The following SEMA3F variants were observed in gnomAD, a reference collection of about 807,000 sequenced individuals.
SEMA3F encodes the protein semaphorin-3F.
In SEMA3F, 30 loss-of-function variants were observed where a neutral mutation model predicts 98.5. That is an observed-to-expected ratio of 0.30 (90% CI 0.23 to 0.41). The LOEUF is 0.41. SEMA3F is among the 10% of genes least tolerant of loss of function. The probability of loss-of-function intolerance (pLI) is 1.00; values close to 1 mark genes in which losing one functional copy is unlikely to be tolerated. For synonymous variants in SEMA3F, 380 were observed against 444.8 expected, an observed-to-expected ratio of 0.85 and a Z score of 1.83; for missense variants, 866 against 1,119.3, an observed-to-expected ratio of 0.77 and a Z score of 3.23.
In SEMA3F at chr3:50,184,697, C is replaced by T. The variant is rs1198334944; in HGVS notation, c.1339C>T (p.Pro447Ser). Reference sequence around the variant, plus strand: ...CCCACTCATGTACCAGGCCGTGTACCCTCTGCAGCGGCGGCCCCTGGTAGT... The same window carrying T: ...CCCACTCATGTACCAGGCCGTGTACTCTCTGCAGCGGCGGCCCCTGGTAGT... The part of the protein sequence containing the change: ...SHPLMYQAVY[P>S]LQRRPLVVRT... The change falls in exon 13 of 19, where the codon CCT becomes TCT. Residue 447 changes from proline (P) to serine (S), a missense_variant. Around this residue, in one of 3 missense-constraint regions of SEMA3F, gnomAD observed 374 missense variants for 582.8 expected, o/e 0.64. Transcript: ENST00000002829. The T allele has an allele frequency of 6.2e-7, 1 of 1,614,138 alleles. No homozygotes were observed. The highest frequency in any genetic ancestry group is 1.7e-5 in the Admixed American group (1 of 60,022).
chr3:50,186,149 C>T, intron 16 of SEMA3F, 103 bp downstream of exon 16: 1 of 1,470,110 alleles, frequency 6.8e-7, no homozygotes, highest in African/African-American at 1.4e-5. Context: ...TGTGATATTA[C>T]CCTAGGGGAG....
intron 1 of SEMA3F, among the ~76,000 whole-genome samples, chr3:50,157,076 C>CG (rs2109047215): frequency 6.6e-6 from 1 of 152,176 alleles, no homozygotes; most frequent in East Asian, 1.9e-4. Flanking sequence ...TGTTCCCCTA[C>CG]GGCCCCTGTT....
At position 50,187,820 on chromosome 3, in the gene SEMA3F, T is replaced by C. The variant is rs771629001; in HGVS notation, c.2063T>C (p.Val688Ala). 1.9e-6 allele frequency: 3 copies of C among 1,613,394 alleles called. No individual in the cohort carries two copies. The highest frequency in any genetic ancestry group is 1.7e-5 in the Admixed American group (1 of 60,008). The change falls in exon 19 of 19, where the codon GTC (valine) becomes GCC (alanine). Residue 688 changes from valine (V) to alanine (A), a missense_variant. Val to Ala is a moderately conservative substitution (Grantham distance 64, BLOSUM62 0). Coordinates refer to ENST00000002829, the MANE Select transcript of SEMA3F (RefSeq NM_004186.5). ...GCCACTGAGAACAACTTTAAGCACG[T>C]CGTCACACGAGTGCAGCTGCATGTA... ...CTATENNFKH[V>A]VTRVQLHVLG...
At chr3:50,159,096 C>G (rs1698105404) in intron 1 of SEMA3F, 1 of 153,360 alleles carries the variant, frequency 6.5e-6, no homozygotes, top group African/African-American at 2.4e-5. Context: ...TGCCTCCCCT[C>G]TACCGTAATA....
At chr3:50,177,001 A>C in intron 7 of SEMA3F, 140 bp downstream of exon 7, 1 of 699,610 alleles carries the variant, frequency 1.4e-6, no homozygotes, top group South Asian at 1.7e-5. Flanking sequence ...CCACCTGGCA[A>C]GGGGGAGAGG....
At chr3:50,170,513 A>G (rs1246995764) in intron 2 of SEMA3F, among the ~76,000 whole-genome samples, 3 of 152,076 alleles carry the variant, frequency 2.0e-5, no homozygotes, top group Non-Finnish European at 2.9e-5. Flanking sequence ...CTTTCCCTGA[A>G]AGGCAGAGAC....
chr3:50,185,635 G>T, intron 14 of SEMA3F, 31 bp from the exon 15 acceptor site: 1 of 1,613,986 alleles, frequency 6.2e-7, no homozygotes. Context: ...GGGGTCCCTG[G>T]CATCCCAAGC....
At position 50,185,499 on chromosome 3, in the gene SEMA3F, G is replaced by A. The variant is rs1379281866; in HGVS notation, c.1513G>A (p.Glu505Lys). ...VLPKDDQELE[E>K]LMLEEVEVFK... ...GCCCAAGGATGACCAGGAGTTGGAG[G>A]AGCTCATGCTGGAGGAGGTGGAGGT... The change falls in exon 14 of 19, where the codon GAG (glutamate) becomes AAG (lysine). Residue 505 changes from glutamate (E) to lysine (K), a missense_variant. Transcript: ENST00000002829. The A allele has an allele frequency of 1.9e-6, 3 of 1,613,836 alleles. No homozygotes were observed. In the African/African-American group the frequency reaches 4.0e-5, roughly 22 times the overall value.
At chr3:50,175,917 G>A (rs1023837004) in intron 6 of SEMA3F, among the ~76,000 whole-genome samples, 4 of 152,130 alleles carry the variant, frequency 2.6e-5, no homozygotes, top group Non-Finnish European at 5.9e-5. Context: ...GTGTGTAGCT[G>A]GAAGTAGGCC....
At chr3:50,173,679 C>T (rs1042859366) in intron 2 of SEMA3F, 114 bp from the exon 3 acceptor site, 2 of 805,044 alleles carry the variant, frequency 2.5e-6, no homozygotes, top group African/African-American at 1.7e-5. Context: ...AAAGACCACT[C>T]TGTGGTGGGG....
chr3:50,164,467 TC>T (rs1191251177), intron 2 of SEMA3F, among the ~76,000 whole-genome samples: 1 of 152,190 alleles, frequency 6.6e-6, no homozygotes, highest in Non-Finnish European at 1.5e-5. Flanking sequence ...TGTATGCACC[TC>T]CGGCCCCTTG....
Position 50,155,402 on chromosome 3 carries a change from G to C in SEMA3F, c.-211G>C, listed in dbSNP as rs1224812629. On this transcript the variant is annotated 5_prime_UTR_variant, in exon 1 of 19. Transcript: ENST00000002829. This position sits in a 1 kb window ranked among gnomAD's most constrained non-coding sequence, Gnocchi z 4.9. Reference sequence around the variant, plus strand: ...TGACGCGCCCGAAGCCCGCGGAACCGGTTAAGCCGCGGCCGCGGCGCCGAT... The same window carrying C: ...TGACGCGCCCGAAGCCCGCGGAACCCGTTAAGCCGCGGCCGCGGCGCCGAT... The C allele has an allele frequency of 1.1e-5, 3 of 279,316 alleles. No homozygotes were observed. The highest frequency in any genetic ancestry group is 2.3e-5 in the African/African-American group (1 of 44,378). 17.3% of individuals were successfully genotyped at this position (279,316 alleles called of 1,614,324 possible). A position where few individuals can be genotyped will look rare whatever the true frequency, so the allele number is the denominator to read the frequency against.
At chr3:50,157,803 T>C (rs904589328) in intron 1 of SEMA3F, among the ~76,000 whole-genome samples, 20 of 152,146 alleles carry the variant, frequency 1.3e-4, no homozygotes, top group Admixed American at 6.5e-4. Flanking sequence ...AACCCTGTCC[T>C]TGGTGACACT....
At chr3:50,155,062 G>T (rs775544789), upstream of SEMA3F, 13 of 361,528 alleles carry the variant, frequency 3.6e-5, no homozygotes, top group Middle Eastern at 1.5e-3. The surrounding 1 kb of genome is among the most constrained non-coding windows in gnomAD (Gnocchi z 4.9). Context: ...GGCTCTGAGC[G>T]CCCCGTCCCG....
rs74725951 is a variant in SEMA3F at position 50,182,303 on chromosome 3, T to C, written c.663T>C (p.Gly221=). ...CCACAGATGAGGAGCTCTATGCTGG[T>C]GTGTACATCGATTTTATGGGCACTG... ...SALINEELYA[G]VYIDFMGTDA... is the part of the protein sequence containing the mutation. Residue 221 remains glycine, a synonymous_variant, in exon 8 of 19, where the codon GGT becomes GGC. Transcript: ENST00000002829. This position sits in a 1 kb window ranked among gnomAD's most constrained non-coding sequence, Gnocchi z 4.5. The C allele has an allele frequency of 3.1e-6, 5 of 1,614,130 alleles. No individual in the cohort carries two copies. The highest frequency in any genetic ancestry group is 8.5e-7 in the Non-Finnish European group (1 of 1,180,038).
At chr3:50,164,969 G>T (rs1282875335) in intron 2 of SEMA3F, among the ~76,000 whole-genome samples, 2 of 152,250 alleles carry the variant, frequency 1.3e-5, no homozygotes, top group Non-Finnish European at 2.9e-5. Context: ...TGGTGTGCAG[G>T]TGAGGGCAGG....
At position 50,174,067 on chromosome 3, in the gene SEMA3F, TC is replaced by T; in HGVS notation, c.293del (p.Pro98HisfsTer48). The T allele has an allele frequency of 6.2e-7, 1 of 1,614,002 alleles. No homozygotes were observed. Among genetic ancestry groups the T allele is most frequent in the Non-Finnish European group, 8.5e-7 (1 of 1,180,002 alleles). ...REPLIIHWAASPQRIEECVLS... is the reference protein window; with the variant it reads ...REPLIIHWAAXPQRIEECVLS... ...CTCTCTGCAGATACACTGGGCAGCCTCCCCACAGCGCATCGAGGAATGCGTG... is the reference window on the plus strand; with the variant it reads ...CTCTCTGCAGATACACTGGGCAGCCTCCCACAGCGCATCGAGGAATGCGTG... On this transcript the variant is annotated frameshift_variant, in exon 4 of 19. Transcript: ENST00000002829. LOFTEE classifies it high-confidence loss of function.
intron 7 of SEMA3F, among the ~76,000 whole-genome samples, chr3:50,179,113 A>G (rs560580872): frequency 4.7e-4 from 71 of 151,880 alleles, no homozygotes; most frequent in African/African-American, 1.7e-3. Flanking sequence ...GTGAGCCACC[A>G]CGCCCACCCC....
At chr3:50,163,227 C>T (rs1698277583) in intron 2 of SEMA3F, among the ~76,000 whole-genome samples, 1 of 152,198 alleles carries the variant, frequency 6.6e-6, no homozygotes, top group African/African-American at 2.4e-5. Flanking sequence ...GGGCTGGGGT[C>T]GCACTGGGCA....
Sources: allele counts gnomAD v4.1 joint callset (sites outside exome capture counted in the v4.1 genomes callset), GRCh38; gene constraint gnomAD v4.1.1; regional missense constraint gnomAD v4.1.1; non-coding constraint Gnocchi (gnomAD v3.1); transcripts MANE v1.5; gene names NCBI Gene and HGNC (gene_info 2026-07-23, HGNC 2026-07-21).